PTPRZ1: variants seen among roughly 807,000 people sequenced by gnomAD.
The protein encoded by PTPRZ1 is protein tyrosine phosphatase receptor type Z1.
Under a neutral mutation model 214.1 loss-of-function variants are expected in PTPRZ1, and 82 were observed. That is an observed-to-expected ratio of 0.38 (90% confidence interval 0.32 to 0.46). The LOEUF (loss-of-function observed/expected upper bound fraction) is 0.46. Among genes scored for constraint, PTPRZ1 ranks in the 20% least tolerant of loss-of-function variants. The pLI is 1.00. For synonymous variants in PTPRZ1, 945 were observed against 987.9 expected, an observed-to-expected ratio of 0.96 and a Z score of 0.81; for missense variants, 2,603 against 2,748.7, an observed-to-expected ratio of 0.95 and a Z score of 1.19.
intron 8 of PTPRZ1, among the ~76,000 whole-genome samples, chr7:121,986,924 A>G (rs1321518159): frequency 6.6e-6 from 1 of 152,136 alleles, no homozygotes; most frequent in Non-Finnish European, 1.5e-5. Context: ...CACACCAACT[A>G]CTTTGTTATG....
intron 2 of PTPRZ1, among the ~76,000 whole-genome samples, chr7:121,930,547 T>C (rs1173623849): frequency 6.6e-6 from 1 of 152,088 alleles, no homozygotes; most frequent in Non-Finnish European, 1.5e-5. Context: ...TTTCAGAAAA[T>C]TGTGTTAAAA....
rs759034684 is a variant in PTPRZ1 at position 122,010,436 on chromosome 7, A to G, written c.1390A>G (p.Thr464Ala). 6.2e-7 allele frequency: 1 copy of G among 1,614,080 alleles called. No homozygotes were observed. Among genetic ancestry groups the G allele is most frequent in the Non-Finnish European group, 8.5e-7 (1 of 1,179,952 alleles). ...GAAAAAGGAACCCCAGATTTCTACC[A>G]CAACACACTACAATCGCATAGGGAC... The part of the protein sequence containing the change: ...IRKKEPQIST[T>A]THYNRIGTKY... The change falls in exon 12 of 30, where the codon ACA becomes GCA. Residue 464 changes from threonine to alanine, a missense_variant. By Grantham distance (58) the Thr-to-Ala change is moderately conservative. This residue lies in a region of PTPRZ1 where 1,913 missense variants were observed against 1,914.3 expected (regional missense o/e 1.00). Transcript: ENST00000393386.
chr7:121,925,995 G>T (rs1305250478), intron 1 of PTPRZ1, among the ~76,000 whole-genome samples: 1 of 152,030 alleles, frequency 6.6e-6, no homozygotes, highest in African/African-American at 2.4e-5. Context: ...AAAGATTTAC[G>T]CCTCACAGGA....
intron 20 of PTPRZ1, among the ~76,000 whole-genome samples, chr7:122,040,204 A>G (rs1252292435): frequency 6.6e-6 from 1 of 152,180 alleles, no homozygotes; most frequent in Non-Finnish European, 1.5e-5. Flanking sequence ...AAGAGTGGAG[A>G]GTGAAACAAG....
At chr7:121,968,238 G>C in intron 3 of PTPRZ1, 108 bp downstream of exon 3, 1 of 929,494 alleles carries the variant, frequency 1.1e-6, no homozygotes, top group Non-Finnish European at 1.5e-6. Context: ...GAACTAGATA[G>C]AAGTTACATG....
chr7:122,028,526 T>G (rs1474431386), intron 13 of PTPRZ1, 26 bp from the exon 14 acceptor site: 1 of 1,476,570 alleles, frequency 6.8e-7, no homozygotes, highest in South Asian at 1.2e-5. Flanking sequence ...CAACTAGTAG[T>G]ATAAATTGTG....
At chr7:121,894,054 TC>T (rs1254431407) in intron 1 of PTPRZ1, among the ~76,000 whole-genome samples, 1 of 152,158 alleles carries the variant, frequency 6.6e-6, no homozygotes, top group African/African-American at 2.4e-5. Context: ...AGTCCTTAAC[TC>T]CTACTATCTA....
chr7:121,998,050 G>T, intron 10 of PTPRZ1, 44 bp downstream of exon 10: 1 of 1,575,904 alleles, frequency 6.3e-7, no homozygotes, highest in South Asian at 1.1e-5. Flanking sequence ...CAATAAATGA[G>T]GTTAGTTTAA....
intron 13 of PTPRZ1, among the ~76,000 whole-genome samples, chr7:122,025,870 G>C (rs1420827657): frequency 6.6e-6 from 1 of 152,158 alleles, no homozygotes; most frequent in Non-Finnish European, 1.5e-5. Context: ...GAGAGAAAAG[G>C]CAGGTTTATT....
intron 2 of PTPRZ1, among the ~76,000 whole-genome samples, chr7:121,928,680 A>G (rs888676559): frequency 3.3e-5 from 5 of 152,188 alleles, no homozygotes; most frequent in African/African-American, 1.2e-4. Context: ...TATTGATGGG[A>G]TTCTTGCTCT....
chr7:121,961,817 G>A (rs972764729), intron 2 of PTPRZ1, among the ~76,000 whole-genome samples: 1 of 152,230 alleles, frequency 6.6e-6, no homozygotes, highest in African/African-American at 2.4e-5. Context: ...GTGGAGGTAA[G>A]CATGGGAAAT....
rs373483582 is a variant in PTPRZ1, at chr7:122,055,093, G to C, written c.6528+6G>C. ...TTATCTTAGAAGCTACACAGGTAAGGATATAAGTTAAATGACAAACTTTTT... is the reference window on the plus strand; with the variant it reads ...TTATCTTAGAAGCTACACAGGTAAGCATATAAGTTAAATGACAAACTTTTT... On this transcript the variant is annotated splice_donor_region_variant and intron_variant, in intron 27 of 29. Transcript: ENST00000393386. 3.9e-6 allele frequency: 6 copies of C among 1,530,486 alleles called. No individual in the cohort carries two copies. In the African/African-American group the frequency reaches 7.0e-5, roughly 18 times the overall value. The allele number at this position is 1,530,486 out of a possible 1,614,324, so 94.8% of individuals were successfully genotyped here.
intron 26 of PTPRZ1, among the ~76,000 whole-genome samples, chr7:122,054,612 C>G (rs1792293572): frequency 6.6e-6 from 1 of 151,988 alleles, no homozygotes; most frequent in African/African-American, 2.4e-5. Flanking sequence ...ATTGTGTGAC[C>G]ATTACACATG....
At chr7:121,973,093 A>C (rs1281380317) in intron 4 of PTPRZ1, among the ~76,000 whole-genome samples, 1 of 152,198 alleles carries the variant, frequency 6.6e-6, no homozygotes, top group Non-Finnish European at 1.5e-5. Flanking sequence ...ATGTCTAGAG[A>C]AAGTCTAAAT....
chr7:122,054,165 G>A, intron 26 of PTPRZ1, 127 bp downstream of exon 26: 1 of 1,023,162 alleles, frequency 9.8e-7, no homozygotes, highest in Non-Finnish European at 1.4e-6. Flanking sequence ...TGTCATTGAA[G>A]GCATACTCTT....
At chr7:121,949,014 T>C (rs962645068) in intron 2 of PTPRZ1, among the ~76,000 whole-genome samples, 6 of 152,134 alleles carry the variant, frequency 3.9e-5, no homozygotes, top group Non-Finnish European at 8.8e-5. Flanking sequence ...GAGGTCCCGA[T>C]GTGCCCAAGG....
At chr7:121,995,406 G>GAGAT (rs1798102839) in intron 8 of PTPRZ1, among the ~76,000 whole-genome samples, 1 of 151,592 alleles carries the variant, frequency 6.6e-6, no homozygotes, top group African/African-American at 2.4e-5. Context: ...GGCCCATGAA[G>GAGAT]AGATATTTAT....
At chr7:121,973,548 C>A (rs1797322351) in intron 4 of PTPRZ1, among the ~76,000 whole-genome samples, 1 of 152,106 alleles carries the variant, frequency 6.6e-6, no homozygotes, top group Non-Finnish European at 1.5e-5. Flanking sequence ...ACCAATGCTT[C>A]CATTTTTCTT....
intron 8 of PTPRZ1, among the ~76,000 whole-genome samples, chr7:121,995,124 G>C (rs1364997507): frequency 3.3e-5 from 5 of 152,018 alleles, no homozygotes; most frequent in Non-Finnish European, 7.4e-5. Context: ...GTTTCCATTT[G>C]TAAGACCAAT....
Sources: gnomAD v4.1 joint callset for allele counts (sites outside exome capture counted in the v4.1 genomes callset) on GRCh38, gnomAD v4.1.1 for gene constraint, gnomAD v4.1.1 regional missense constraint, MANE v1.5 for transcripts, NCBI Gene and HGNC (gene_info 2026-07-23, HGNC 2026-07-21) for gene names.